The following TRIM9 variants were observed in gnomAD, a reference collection of about 807,000 sequenced individuals.
TRIM9 encodes tripartite motif containing 9.
Under a neutral mutation model 78.3 loss-of-function variants are expected in TRIM9, and 26 were observed. The ratio of observed to expected loss-of-function variants is 0.33; its 90% CI spans 0.24 to 0.46. The LOEUF is 0.46. TRIM9 is among the 20% of genes least tolerant of loss of function. The pLI, the probability that TRIM9 is intolerant of heterozygous loss-of-function variation, is 1.00. For synonymous variants in TRIM9, 398 were observed against 416.5 expected, an observed-to-expected ratio of 0.96 and a Z score of 0.54; for missense variants, 787 against 1,036.4, an observed-to-expected ratio of 0.76 and a Z score of 3.30.
chr14:51,050,441 T>C (rs757553642), intron 1 of TRIM9, among the ~76,000 whole-genome samples: 1 of 152,210 alleles, frequency 6.6e-6, no homozygotes. Flanking sequence ...TCCACCATGA[T>C]TGTGAGGCCT....
intron 1 of TRIM9, among the ~76,000 whole-genome samples, chr14:51,033,707 T>C (rs1468921783): frequency 6.6e-6 from 1 of 152,224 alleles, no homozygotes; most frequent in Non-Finnish European, 1.5e-5. Flanking sequence ...ATCAGTGGTG[T>C]GCTGATAAAC....
chr14:51,087,542 T>C (rs2063879616), intron 1 of TRIM9, among the ~76,000 whole-genome samples: 1 of 152,248 alleles, frequency 6.6e-6, no homozygotes, highest in Non-Finnish European at 1.5e-5. Flanking sequence ...ATCTTGGCTT[T>C]GAGATGTCCT....
At chr14:50,979,987 T>C (rs574077290) in intron 11 of TRIM9, among the ~76,000 whole-genome samples, 47 of 152,350 alleles carry the variant, frequency 3.1e-4, no homozygotes, top group Admixed American at 4.6e-4. Flanking sequence ...TTTGTATAAA[T>C]GGTGTGAATT....
At chr14:51,047,025 AC>A (rs2060000719) in intron 1 of TRIM9, among the ~76,000 whole-genome samples, 1 of 152,172 alleles carries the variant, frequency 6.6e-6, no homozygotes, top group Admixed American at 6.5e-5. Context: ...AGATAGAGTC[AC>A]CTTTGAGGAT....
chr14:51,079,343 T>C (rs973459325), intron 1 of TRIM9, among the ~76,000 whole-genome samples: 10 of 152,356 alleles, frequency 6.6e-5, no homozygotes, highest in African/African-American at 1.9e-4. Context: ...TTCCCTGTTT[T>C]ACAGATGGAA....
chr14:51,045,832 A>G (rs936575921), intron 1 of TRIM9, among the ~76,000 whole-genome samples: 3 of 152,196 alleles, frequency 2.0e-5, no homozygotes, highest in African/African-American at 7.2e-5. Context: ...ACAGACCTCA[A>G]TTCAAGTGCA....
intron 1 of TRIM9, among the ~76,000 whole-genome samples, chr14:51,063,658 A>C (rs2061516964): frequency 6.6e-6 from 1 of 152,154 alleles, no homozygotes; most frequent in Non-Finnish European, 1.5e-5. Flanking sequence ...CACCAAAAAC[A>C]AAAAAGGAAA....
At position 50,983,257 on chromosome 14, in the gene TRIM9, T is replaced by C. The variant is rs146379821; in HGVS notation, c.1834+123A>G. 2.1e-4 allele frequency: 177 copies of C among 823,884 alleles called. 1 individual carries two copies. In the African/African-American group the frequency reaches 2.5e-3, roughly 12 times the overall value. 51.0% of individuals were successfully genotyped at this position (823,884 alleles called of 1,614,324 possible). On this transcript the variant is annotated intron_variant, in intron 9 of 12. Transcript: ENST00000684578. ...TTAAGAGTTTGAGAAACTGCTATAA[T>C]AGGGTTAGAATGACAATTAGACAAT...
rs142258610 is a variant in TRIM9, at chr14:51,009,174, T to A, written c.1212A>T (p.Thr404=). The change falls in exon 5 of 13, where the codon ACA becomes ACT. Residue 404 remains threonine (T), a synonymous_variant. Transcript: ENST00000684578. The part of the protein sequence containing the change: ...HLTEDQWGKG[T]LTPRMTTDFD... ...AGTCCGTGGTCATCCTTGGAGTGAGTGTGCCTTTACCCCACTGATCCTCAG... is the reference window on the plus strand; with the variant it reads ...AGTCCGTGGTCATCCTTGGAGTGAGAGTGCCTTTACCCCACTGATCCTCAG... The A allele has an allele frequency of 8.1e-5, 131 of 1,614,052 alleles. No individual in the cohort carries two copies. The African/African-American group carries it at 1.5e-3, about 18-fold the overall frequency.
chr14:51,069,334 G>C (rs1235943106), intron 1 of TRIM9, among the ~76,000 whole-genome samples: 1 of 152,184 alleles, frequency 6.6e-6, no homozygotes, highest in Non-Finnish European at 1.5e-5. Context: ...CCTCCTAGAG[G>C]ACATTGGCAA....
chr14:51,079,210 G>A (rs1009791415), intron 1 of TRIM9, among the ~76,000 whole-genome samples: 9 of 152,140 alleles, frequency 5.9e-5, no homozygotes, highest in African/African-American at 1.9e-4. Flanking sequence ...GGGAGCAGAG[G>A]AATTTAGAGA....
chr14:50,998,019 C>T (rs753102695), intron 7 of TRIM9, 31 bp downstream of exon 7: 10 of 1,613,548 alleles, frequency 6.2e-6, no homozygotes, highest in Middle Eastern at 3.3e-4. Flanking sequence ...ACGCAGTTCT[C>T]GCTCTGAGGG....
chr14:51,000,468 C>T (rs910475939), intron 6 of TRIM9, among the ~76,000 whole-genome samples: 2 of 152,208 alleles, frequency 1.3e-5, no homozygotes, highest in Admixed American at 1.3e-4. Flanking sequence ...TACTGCATGT[C>T]CTGTCTCATA....
intron 1 of TRIM9, among the ~76,000 whole-genome samples, chr14:51,065,932 T>A (rs2061691848): frequency 6.6e-6 from 1 of 151,990 alleles, no homozygotes; most frequent in African/African-American, 2.4e-5. Context: ...GAATTTTGAA[T>A]CTTTCCTGAT....
chr14:51,079,209 G>A (rs1333343919), intron 1 of TRIM9, among the ~76,000 whole-genome samples: 1 of 152,138 alleles, frequency 6.6e-6, no homozygotes, highest in South Asian at 2.1e-4. Context: ...AGGGAGCAGA[G>A]GAATTTAGAG....
intron 1 of TRIM9, among the ~76,000 whole-genome samples, chr14:51,091,978 G>A (rs2064381132): frequency 6.6e-6 from 1 of 152,088 alleles, no homozygotes; most frequent in Non-Finnish European, 1.5e-5. Context: ...ATCAAGGATA[G>A]GCTTGTCATA....
intron 1 of TRIM9, among the ~76,000 whole-genome samples, chr14:51,053,884 A>G (rs1478829265): frequency 1.3e-5 from 2 of 152,214 alleles, no homozygotes; most frequent in Non-Finnish European, 2.9e-5. Flanking sequence ...CTATAAAATG[A>G]AAAGAAATAT....
At chr14:50,983,519 C>G (rs944305735) in intron 8 of TRIM9, 98 bp from the exon 9 acceptor site, 3 of 847,392 alleles carry the variant, frequency 3.5e-6, no homozygotes, top group Non-Finnish European at 5.3e-6. Flanking sequence ...ATATAGATAC[C>G]AGAGGCCTGA....
At chr14:51,013,120 C>T (rs1400833807) in intron 3 of TRIM9, among the ~76,000 whole-genome samples, 1 of 152,146 alleles carries the variant, frequency 6.6e-6, no homozygotes, top group Non-Finnish European at 1.5e-5. Context: ...CAAAGGGTTC[C>T]CCCTGTGTTC....
Sources: allele counts gnomAD v4.1 joint callset (sites outside exome capture counted in the v4.1 genomes callset), GRCh38; gene constraint gnomAD v4.1.1; transcripts MANE v1.5; gene names NCBI Gene and HGNC (gene_info 2026-07-23, HGNC 2026-07-21).